The following PLEKHF2 variants were observed in gnomAD, a reference collection of about 807,000 sequenced individuals.
PLEKHF2 encodes pleckstrin homology and FYVE domain containing 2, also known as pleckstrin homology domain-containing family F member 2.
A neutral mutation model predicts 14.7 loss-of-function variants in PLEKHF2; 4 were observed. That is an observed-to-expected ratio of 0.27 (90% CI 0.13 to 0.62). The LOEUF (loss-of-function observed/expected upper bound fraction) is 0.62, where lower values mean the gene tolerates loss of function less well. Among genes scored for constraint, PLEKHF2 ranks in the 20% least tolerant of loss-of-function variants. The probability of loss-of-function intolerance (pLI) is 0.85; values close to 1 mark genes in which losing one functional copy is unlikely to be tolerated. For missense variants in PLEKHF2, 201 were observed against 307.7 expected (o/e 0.65, Z 2.60); for synonymous variants, 90 against 103.5 (o/e 0.87, Z 0.79).
Position 95,154,162 on chromosome 8 carries a change from G to A in PLEKHF2, c.118G>A (p.Gly40Arg). 1 of 1,613,970 alleles carries A rather than the reference G, an allele frequency of 6.2e-7. No homozygotes were observed. Among genetic ancestry groups the A allele is most frequent in the Non-Finnish European group, 8.5e-7 (1 of 1,179,944 alleles). The change falls in exon 2 of 2, where the codon GGA becomes AGA. Residue 40 changes from glycine (G) to arginine (R), a missense_variant. Transcript: ENST00000315367. This position sits in a 1 kb window ranked among gnomAD's most constrained non-coding sequence, Gnocchi z 5.6. ...TIPGRVLIGE[G>R]VLTKLCRKKP... ...ACCTGGACGAGTTCTTATTGGAGAA[G>A]GAGTATTGACTAAGTTGTGCAGGAA...
chr8:95,144,187 A>C (rs1363895312), intron 1 of PLEKHF2, among the ~76,000 whole-genome samples: 1 of 152,150 alleles, frequency 6.6e-6, no homozygotes, highest in Non-Finnish European at 1.5e-5. Flanking sequence ...CTTGTTTAGA[A>C]CTTGAAGTCT....
Position 95,133,927 on chromosome 8 carries a change from A to AG in PLEKHF2, c.-116dup, listed in dbSNP as rs1383910618. 1 of 151,514 alleles carries AG rather than the reference A, an allele frequency of 6.6e-6. No individual in the cohort carries two copies. The highest frequency in any genetic ancestry group is 2.4e-5 in the African/African-American group (1 of 41,208). 9.4% of individuals were successfully genotyped at this position (151,514 alleles called of 1,614,324 possible). A position where few individuals can be genotyped will look rare whatever the true frequency, so the allele number is the denominator to read the frequency against. Reference sequence around the variant, plus strand: ...GGCTGCGGACAGCACACACCCTGGAAGGCCCCGGCGGGGAACGGGCAGAGT... The same window carrying AG: ...GGCTGCGGACAGCACACACCCTGGAAGGGCCCCGGCGGGGAACGGGCAGAGT... On this transcript the variant is annotated 5_prime_UTR_variant, in exon 1 of 2. Coordinates refer to ENST00000315367, the MANE Select transcript of PLEKHF2 (RefSeq NM_024613.4).
At chr8:95,152,004 C>T (rs1810569660) in intron 1 of PLEKHF2, among the ~76,000 whole-genome samples, 1 of 151,998 alleles carries the variant, frequency 6.6e-6, no homozygotes, top group African/African-American at 2.4e-5. Flanking sequence ...GTCTTATAAT[C>T]AACGGTATGC....
intron 1 of PLEKHF2, among the ~76,000 whole-genome samples, chr8:95,142,276 A>T (rs1424826552): frequency 6.6e-6 from 1 of 152,030 alleles, no homozygotes; most frequent in Non-Finnish European, 1.5e-5. Context: ...TTTTCTTGAG[A>T]CAGGTTCTGG....
intron 1 of PLEKHF2, among the ~76,000 whole-genome samples, chr8:95,141,898 T>C (rs1810444547): frequency 6.6e-6 from 1 of 152,132 alleles, no homozygotes; most frequent in Admixed American, 6.5e-5. Flanking sequence ...ATTTAGCCAT[T>C]TTTTTGCCTT....
chr8:95,152,476 CTAA>C (rs1471734955), intron 1 of PLEKHF2, among the ~76,000 whole-genome samples: 1 of 151,926 alleles, frequency 6.6e-6, no homozygotes, highest in African/African-American at 2.4e-5. Context: ...GAAAAATATA[CTAA>C]TGTTTAATAT....
At chr8:95,134,552 A>G (rs1253075480) in intron 1 of PLEKHF2, among the ~76,000 whole-genome samples, 1 of 152,218 alleles carries the variant, frequency 6.6e-6, no homozygotes, top group African/African-American at 2.4e-5. Context: ...GGAGACGAAA[A>G]TGGCCCCGCA....
At position 95,154,910 on chromosome 8, in the gene PLEKHF2, A is replaced by G; in HGVS notation, c.*116A>G. The G allele has an allele frequency of 2.3e-6, 3 of 1,293,376 alleles. No homozygotes were observed. The highest frequency in any genetic ancestry group is 3.2e-6 in the Non-Finnish European group (3 of 934,856). The allele number at this position is 1,293,376 out of a possible 1,614,324, so 80.1% of individuals were successfully genotyped here. A position where few individuals can be genotyped will look rare whatever the true frequency, so the allele number is the denominator to read the frequency against. On this transcript the variant is annotated 3_prime_UTR_variant, in exon 2 of 2. Coordinates refer to ENST00000315367, the MANE Select transcript of PLEKHF2 (RefSeq NM_024613.4). The surrounding 1 kb of genome is among the most constrained non-coding windows in gnomAD (Gnocchi z 5.6). ...TTCTAGCCATGAATTTGCCTGAGAAACTTGTAACCTATGTGCCTCAATATA... is the reference window on the plus strand; with the variant it reads ...TTCTAGCCATGAATTTGCCTGAGAAGCTTGTAACCTATGTGCCTCAATATA...
intron 1 of PLEKHF2, among the ~76,000 whole-genome samples, chr8:95,147,878 CAAAG>C (rs1810516212): frequency 2.0e-5 from 3 of 151,714 alleles, no homozygotes; most frequent in Non-Finnish European, 4.4e-5. Flanking sequence ...AGAAAAAAGG[CAAAG>C]GAAGACATTT....
chr8:95,147,641 A>G, intron 1 of PLEKHF2, among the ~76,000 whole-genome samples: 1 of 152,100 alleles, frequency 6.6e-6, no homozygotes, highest in East Asian at 1.9e-4. Flanking sequence ...TTTAATCATT[A>G]TTCATTAATT....
At chr8:95,143,409 C>A (rs902525267) in intron 1 of PLEKHF2, among the ~76,000 whole-genome samples, 3 of 152,070 alleles carry the variant, frequency 2.0e-5, no homozygotes, top group African/African-American at 7.2e-5. Flanking sequence ...TGGAAATAAT[C>A]TTTTTTTAAG....
At chr8:95,140,115 T>C (rs770685619) in intron 1 of PLEKHF2, among the ~76,000 whole-genome samples, 1 of 152,216 alleles carries the variant, frequency 6.6e-6, no homozygotes, top group African/African-American at 2.4e-5. Flanking sequence ...TGTGTTTGTC[T>C]TGTGGATGCC....
rs531902656 is a variant in PLEKHF2 at position 95,156,561 on chromosome 8, T to C, written c.*1767T>C. 10 of 167,188 alleles carry C rather than the reference T, an allele frequency of 6.0e-5. No homozygotes were observed. In the South Asian group the frequency reaches 2.1e-3, roughly 35 times the overall value. 10.4% of individuals were successfully genotyped at this position (167,188 alleles called of 1,614,324 possible). ...GATCATGAAACCTGAGAAATGCTAATGGAGATTTGCTGGTACATAGGAATC... is the reference window on the plus strand; with the variant it reads ...GATCATGAAACCTGAGAAATGCTAACGGAGATTTGCTGGTACATAGGAATC... On this transcript the variant is annotated 3_prime_UTR_variant, in exon 2 of 2. Coordinates refer to ENST00000315367, the MANE Select transcript of PLEKHF2 (RefSeq NM_024613.4).
rs148440001 is a variant in PLEKHF2, at chr8:95,137,427, C to G, written c.-15+3397C>G. Among the ~76,000 whole-genome samples the G allele has an allele frequency of 3.3e-5, 5 of 152,342 alleles. 1 individual carries two copies. The East Asian group carries it at 9.6e-4, about 29-fold the overall frequency. ...AAGAGCTACTTAAAAAGAATATTGC[C>G]TGGATCCCACCCCAGGACAAATAAA... is the stretch of plus-strand genomic sequence containing the variant. On this transcript the variant is annotated intron_variant, in intron 1 of 1. Transcript: ENST00000315367.
chr8:95,146,565 G>T (rs542363683), intron 1 of PLEKHF2, among the ~76,000 whole-genome samples: 29 of 150,814 alleles, frequency 1.9e-4, no homozygotes, highest in African/African-American at 6.8e-4. Context: ...TTTTTAACAG[G>T]TGGTAGACAC....
At chr8:95,135,258 T>C (rs975759513) in intron 1 of PLEKHF2, among the ~76,000 whole-genome samples, 1 of 152,238 alleles carries the variant, frequency 6.6e-6, no homozygotes, top group African/African-American at 2.4e-5. Context: ...AAAATTCTGT[T>C]AAATGAACTG....
At chr8:95,147,059 C>T (rs1020200270) in intron 1 of PLEKHF2, among the ~76,000 whole-genome samples, 1 of 151,968 alleles carries the variant, frequency 6.6e-6, no homozygotes, top group Non-Finnish European at 1.5e-5. Context: ...AGATTTGAAG[C>T]CTTGGGAGGA....
chr8:95,135,409 C>T (rs2132103080), intron 1 of PLEKHF2, among the ~76,000 whole-genome samples: 2 of 151,818 alleles, frequency 1.3e-5, no homozygotes, highest in South Asian at 2.1e-4. Flanking sequence ...TCCTTCCTTC[C>T]TTTTCCTTTT....
chr8:95,153,126 A>G (rs962176377), intron 1 of PLEKHF2, among the ~76,000 whole-genome samples: 1 of 152,116 alleles, frequency 6.6e-6, no homozygotes, highest in South Asian at 2.1e-4. Context: ...TAGGTTCTGC[A>G]TGGTCTCTGG....
Sources: allele counts gnomAD v4.1 joint callset (sites outside exome capture counted in the v4.1 genomes callset), GRCh38; gene constraint gnomAD v4.1.1; non-coding constraint Gnocchi (gnomAD v3.1); transcripts MANE v1.5; gene names NCBI Gene and HGNC (gene_info 2026-07-23, HGNC 2026-07-21).